The following EPHA6 variants were observed in gnomAD, a reference collection of about 807,000 sequenced individuals.
EPHA6 encodes ephrin type-A receptor 6.
EPHA6 carries 50 observed loss-of-function variants against 112.0 expected under a neutral mutation model. The ratio of observed to expected loss-of-function variants is 0.45; its 90% CI spans 0.36 to 0.56. EPHA6 has a LOEUF of 0.56. EPHA6 is among the 20% of genes least tolerant of loss of function. EPHA6 has a pLI of 0.00. For synonymous variants in EPHA6, 529 were observed against 490.7 expected (o/e 1.08, Z -1.03); for missense variants, 1,280 against 1,417.4 (o/e 0.90, Z 1.56).
At chr3:97,458,303 A>G (rs1190606641) in intron 7 of EPHA6, among the ~76,000 whole-genome samples, 1 of 152,146 alleles carries the variant, frequency 6.6e-6, no homozygotes, top group Non-Finnish European at 1.5e-5. Context: ...TCTTACTGCT[A>G]GATATAAAAT....
intron 12 of EPHA6, among the ~76,000 whole-genome samples, chr3:97,607,644 A>T (rs1297387049): frequency 6.6e-6 from 1 of 151,150 alleles, no homozygotes; most frequent in Non-Finnish European, 1.5e-5. Context: ...CTTGAAAATG[A>T]TCTGGGGATT....
intron 3 of EPHA6, among the ~76,000 whole-genome samples, chr3:97,136,548 C>T (rs1273928385): frequency 2.0e-5 from 3 of 151,878 alleles, no homozygotes; most frequent in Non-Finnish European, 4.4e-5. Context: ...GAGACCCCGT[C>T]TCTAGAAAAA....
intron 3 of EPHA6, among the ~76,000 whole-genome samples, chr3:97,217,213 C>T (rs2108525352): frequency 6.6e-6 from 1 of 152,150 alleles, no homozygotes; most frequent in Middle Eastern, 3.4e-3. Context: ...TTCACAATGT[C>T]AGTATGACAG....
At chr3:97,538,708 T>C (rs2092796345) in intron 11 of EPHA6, among the ~76,000 whole-genome samples, 1 of 152,112 alleles carries the variant, frequency 6.6e-6, no homozygotes, top group Non-Finnish European at 1.5e-5. Context: ...TAGAATAAAA[T>C]GAGCTGAGAA....
At chr3:97,193,541 G>A (rs904320186) in intron 3 of EPHA6, among the ~76,000 whole-genome samples, 1 of 151,844 alleles carries the variant, frequency 6.6e-6, no homozygotes, top group African/African-American at 2.4e-5. Context: ...TTTTTGGTGA[G>A]TCCTTAAGTT....
At chr3:97,434,419 A>G (rs2089699025) in intron 6 of EPHA6, among the ~76,000 whole-genome samples, 1 of 152,292 alleles carries the variant, frequency 6.6e-6, no homozygotes, top group East Asian at 1.9e-4. Context: ...TAAACTTTCA[A>G]TTGATTTATT....
intron 2 of EPHA6, among the ~76,000 whole-genome samples, chr3:96,876,600 C>T (rs1232504283): frequency 6.6e-6 from 1 of 151,986 alleles, no homozygotes; most frequent in African/African-American, 2.4e-5. Context: ...AACCTGTGGC[C>T]AACAGCTGCC....
In EPHA6 at chr3:97,136,490, G is replaced by A. The variant is rs1432447987; in HGVS notation, c.1115-89774G>A. 2.6e-5 allele frequency among the ~76,000 whole-genome samples: 4 copies of A among 152,178 alleles called. No homozygotes were observed. In the East Asian group the frequency reaches 7.7e-4, roughly 29 times the overall value. ...CCAGCACTTTGGGAGACCAAGGTAG[G>A]AGGATTGCTTAAGCCCAGGAGTTGG... On this transcript the variant is annotated intron_variant, in intron 3 of 17. Coordinates refer to ENST00000389672, the MANE Select transcript of EPHA6 (RefSeq NM_001080448.3).
intron 5 of EPHA6, among the ~76,000 whole-genome samples, chr3:97,310,187 T>G (rs533799765): frequency 3.3e-5 from 5 of 151,488 alleles, no homozygotes; most frequent in Non-Finnish European, 4.4e-5. Context: ...TGGTTAGAAG[T>G]GTTTGTATTG....
intron 12 of EPHA6, 32 bp downstream of exon 12, chr3:97,592,769 A>G (rs368113029): frequency 3.5e-5 from 54 of 1,553,176 alleles, no homozygotes; most frequent in African/African-American, 6.9e-5. Flanking sequence ...TTCTGCCACC[A>G]TATACAGCAG....
At position 97,083,097 on chromosome 3, in the gene EPHA6, G is replaced by A. The variant is rs531153959; in HGVS notation, c.1114+95104G>A. Among the ~76,000 whole-genome samples, 186 of 151,980 alleles carry A rather than the reference G, an allele frequency of 1.2e-3. 1 individual carries two copies. Among genetic ancestry groups the A allele is most frequent in the African/African-American group, 3.8e-3 (156 of 41,522 alleles). ...ATTATGTAACCCCAGCTAATTTGCC[G>A]TAAGAATTAACAGTTGTGCTTAATC... On this transcript the variant is annotated intron_variant, in intron 3 of 17. Coordinates refer to ENST00000389672, the MANE Select transcript of EPHA6 (RefSeq NM_001080448.3).
intron 5 of EPHA6, among the ~76,000 whole-genome samples, chr3:97,375,778 A>G (rs1470545559): frequency 6.6e-6 from 1 of 152,190 alleles, no homozygotes; most frequent in Non-Finnish European, 1.5e-5. Context: ...ACATGCCCCA[A>G]CATGGATGAA....
chr3:97,604,618 T>A (rs1355061314), intron 12 of EPHA6, among the ~76,000 whole-genome samples: 1 of 151,668 alleles, frequency 6.6e-6, no homozygotes, highest in Non-Finnish European at 1.5e-5. Context: ...AACATTGTGC[T>A]AATTATATAT....
chr3:96,991,865 T>G (rs1037272669), intron 3 of EPHA6, among the ~76,000 whole-genome samples: 3 of 152,064 alleles, frequency 2.0e-5, no homozygotes, highest in Admixed American at 1.3e-4. Flanking sequence ...ATTGGAAAAT[T>G]TTCTCCCATT....
At chr3:97,190,335 A>G (rs1188485923) in intron 3 of EPHA6, among the ~76,000 whole-genome samples, 1 of 152,084 alleles carries the variant, frequency 6.6e-6, no homozygotes, top group Non-Finnish European at 1.5e-5. Context: ...TTTGTGGACA[A>G]TTAGTGTCCC....
Position 97,047,870 on chromosome 3 carries a change from G to A in EPHA6, c.1114+59877G>A, listed in dbSNP as rs553620453. Among the ~76,000 whole-genome samples the A allele has an allele frequency of 3.3e-5, 5 of 152,118 alleles. No homozygotes were observed. In the South Asian group the frequency reaches 8.3e-4, roughly 25 times the overall value. On this transcript the variant is annotated intron_variant, in intron 3 of 17. Coordinates refer to ENST00000389672, the MANE Select transcript of EPHA6 (RefSeq NM_001080448.3). ...CTGGAGAAATGCTGTAGTTGATGTC[G>A]ATTTGAGCAAGACATTTGGCAGTCA... is the stretch of plus-strand genomic sequence containing the variant.
intron 11 of EPHA6, among the ~76,000 whole-genome samples, chr3:97,546,055 C>G (rs570841467): frequency 6.6e-6 from 1 of 152,128 alleles, no homozygotes; most frequent in Non-Finnish European, 1.5e-5. Context: ...GAGCATTTAG[C>G]CCATTTACAT....
chr3:97,102,004 AC>A (rs2047418066), intron 3 of EPHA6, among the ~76,000 whole-genome samples: 1 of 151,950 alleles, frequency 6.6e-6, no homozygotes. Context: ...CTATCAACTT[AC>A]TCGATCAGTG....
rs539417540 is a variant in EPHA6 at position 97,358,186 on chromosome 3, G to GT, written c.1607-46958dup. Among the ~76,000 whole-genome samples, 34 of 150,466 alleles carry GT rather than the reference G, an allele frequency of 2.3e-4. No individual in the cohort carries two copies. The East Asian group carries it at 3.9e-3, about 17-fold the overall frequency. ...CCTGCATTATTTTCTTATTTGTGTT[G>GT]TTTTTTGTAGTGAAATATTTAAATT... is the stretch of plus-strand genomic sequence containing the variant. On this transcript the variant is annotated intron_variant, in intron 5 of 17. Coordinates refer to ENST00000389672, the MANE Select transcript of EPHA6 (RefSeq NM_001080448.3).
Sources: allele counts gnomAD v4.1 joint callset (sites outside exome capture counted in the v4.1 genomes callset), GRCh38; gene constraint gnomAD v4.1.1; transcripts MANE v1.5; gene names NCBI Gene and HGNC (gene_info 2026-07-23, HGNC 2026-07-21).